Variants in CFAP221 observed in about 807,000 individuals in gnomAD.
CFAP221 encodes cilia- and flagella-associated protein 221.
CFAP221 carries 97 observed loss-of-function variants against 113.1 expected under a neutral mutation model. The ratio of observed to expected loss-of-function variants is 0.86; its 90% CI spans 0.73 to 1.02. CFAP221 has a LOEUF of 1.02. CFAP221 is among the 50% of genes least tolerant of loss of function. The pLI, the probability that CFAP221 is intolerant of heterozygous loss-of-function variation, is 0.00. For synonymous variants in CFAP221, 331 were observed against 354.4 expected (o/e 0.93, Z 0.74); for missense variants, 1,025 against 1,013.4 (o/e 1.01, Z -0.16).
intron 7 of CFAP221, 91 bp from the exon 8 acceptor site, chr2:119,601,127 A>G: frequency 7.9e-7 from 1 of 1,260,398 alleles, no homozygotes; most frequent in Non-Finnish European, 1.0e-6. Context: ...CCACATTGTC[A>G]GAGGGTCAGC....
intron 19 of CFAP221, among the ~76,000 whole-genome samples, chr2:119,631,694 T>C (rs896173234): frequency 9.9e-5 from 15 of 151,704 alleles, no homozygotes; most frequent in African/African-American, 3.4e-4. Flanking sequence ...TCAAATGAAA[T>C]AGAAAGCAGA....
At chr2:119,569,600 C>T (rs1392095862) in intron 6 of CFAP221, among the ~76,000 whole-genome samples, 1 of 151,676 alleles carries the variant, frequency 6.6e-6, no homozygotes, top group African/African-American at 2.4e-5. Context: ...TTTCTTTCTT[C>T]TCCATCTGGC....
intron 11 of CFAP221, among the ~76,000 whole-genome samples, chr2:119,607,539 A>C (rs1684856041): frequency 6.6e-6 from 1 of 152,238 alleles, no homozygotes; most frequent in Non-Finnish European, 1.5e-5. Flanking sequence ...CATTTTAACC[A>C]GTTTAAAGTA....
intron 22 of CFAP221, among the ~76,000 whole-genome samples, chr2:119,648,095 T>C (rs1468881012): frequency 6.6e-6 from 1 of 152,200 alleles, no homozygotes; most frequent in African/African-American, 2.4e-5. Flanking sequence ...AGCAAATGAA[T>C]TACTACATGC....
At chr2:119,575,330 C>T (rs538192874) in intron 6 of CFAP221, among the ~76,000 whole-genome samples, 1 of 152,300 alleles carries the variant, frequency 6.6e-6, no homozygotes, top group South Asian at 2.1e-4. Flanking sequence ...GCCCCAGCCA[C>T]AGGCCCTTGC....
chr2:119,605,005 C>T lies in CFAP221; in HGVS notation c.1024+18C>T. Reference sequence around the variant, plus strand: ...AAGAGAAGGTAACCAGTTGATTGGCCATAAAGCAGCCCCTGAGCAGAATAT... The same window carrying T: ...AAGAGAAGGTAACCAGTTGATTGGCTATAAAGCAGCCCCTGAGCAGAATAT... On this transcript the variant is annotated intron_variant, in intron 10 of 23. Coordinates refer to ENST00000413369, the MANE Select transcript of CFAP221 (RefSeq NM_001271049.2). 6.2e-7 allele frequency: 1 copy of T among 1,604,120 alleles called. No individual in the cohort carries two copies. Among genetic ancestry groups the T allele is most frequent in the Non-Finnish European group, 8.5e-7 (1 of 1,171,338 alleles).
chr2:119,657,906 G>A (rs1402934001), downstream of CFAP221, among the ~76,000 whole-genome samples: 1 of 152,168 alleles, frequency 6.6e-6, no homozygotes, highest in Non-Finnish European at 1.5e-5. Flanking sequence ...TCTTATCAAG[G>A]GGCTTGTGAT....
rs752923328 is a variant in CFAP221 at position 119,605,003 on chromosome 2, G to A, written c.1024+16G>A. ...TTAAGAGAAGGTAACCAGTTGATTGGCCATAAAGCAGCCCCTGAGCAGAAT... is the reference window on the plus strand; with the variant it reads ...TTAAGAGAAGGTAACCAGTTGATTGACCATAAAGCAGCCCCTGAGCAGAAT... On this transcript the variant is annotated intron_variant, in intron 10 of 23. Coordinates refer to ENST00000413369, the MANE Select transcript of CFAP221 (RefSeq NM_001271049.2). 6.2e-6 allele frequency: 10 copies of A among 1,606,828 alleles called. No homozygotes were observed. Among genetic ancestry groups the A allele is most frequent in the Non-Finnish European group, 7.7e-6 (9 of 1,173,702 alleles).
chr2:119,625,729 C>A, intron 15 of CFAP221, 41 bp downstream of exon 15: 2 of 1,509,410 alleles, frequency 1.3e-6, no homozygotes, highest in South Asian at 1.1e-5. Flanking sequence ...CGAGACTGAT[C>A]ATGCCTCTGA....
intron 19 of CFAP221, chr2:119,631,158 C>A (rs143049562): frequency 4.4e-6 from 4 of 916,006 alleles, no homozygotes; most frequent in Non-Finnish European, 5.5e-6. Flanking sequence ...TACATATAGG[C>A]CAAAGAAGAA....
chr2:119,558,190 AAGCTCTTTGTTAAG>A (rs1680960565), intron 3 of CFAP221, among the ~76,000 whole-genome samples: 1 of 152,104 alleles, frequency 6.6e-6, no homozygotes, highest in Non-Finnish European at 1.5e-5. Context: ...CATGGGGACA[AAGCTCTTTGTTAAG>A]ATTCCAGGCC....
At chr2:119,607,704 A>T (rs1169702913) in intron 11 of CFAP221, among the ~76,000 whole-genome samples, 1 of 152,008 alleles carries the variant, frequency 6.6e-6, no homozygotes, top group Non-Finnish European at 1.5e-5. Flanking sequence ...ACCACAATCT[A>T]CTTTCAGTCT....
chr2:119,585,586 A>G (rs1683162632), intron 6 of CFAP221, among the ~76,000 whole-genome samples: 1 of 152,120 alleles, frequency 6.6e-6, no homozygotes, highest in East Asian at 1.9e-4. Flanking sequence ...AGGGGTCGTT[A>G]TTTTATTGTT....
rs149332945 is a variant in CFAP221, at chr2:119,585,370, T to C, written c.528-1749T>C. On this transcript the variant is annotated intron_variant, in intron 6 of 23. Transcript: ENST00000413369. The stretch of plus-strand genomic sequence containing the variant: ...ATTAAACTTGAATAAATTAGAGACA[T>C]GCCATGTTCATAGTTTGGAACAGAT... Among the ~76,000 whole-genome samples, 413 of 152,266 alleles carry C rather than the reference T, an allele frequency of 2.7e-3. 1 individual carries two copies. The highest frequency in any genetic ancestry group is 9.7e-3 in the African/African-American group (402 of 41,544).
At chr2:119,569,483 T>C (rs1681891717) in intron 6 of CFAP221, among the ~76,000 whole-genome samples, 1 of 151,390 alleles carries the variant, frequency 6.6e-6, no homozygotes, top group South Asian at 2.1e-4. Context: ...AAGTGTAGGG[T>C]TTTTTGCCTT....
intron 6 of CFAP221, among the ~76,000 whole-genome samples, chr2:119,585,464 T>C (rs1345453891): frequency 6.6e-6 from 1 of 152,126 alleles, no homozygotes; most frequent in Non-Finnish European, 1.5e-5. Context: ...AGGGAGAGAA[T>C]TGGGGAAGGA....
At chr2:119,608,687 G>A in intron 12 of CFAP221, 98 bp downstream of exon 12, 1 of 1,003,882 alleles carries the variant, frequency 1.0e-6, no homozygotes, top group Middle Eastern at 2.1e-4. Context: ...CCACAGTTAA[G>A]TTGGGAGTGG....
intron 14 of CFAP221, among the ~76,000 whole-genome samples, chr2:119,620,421 A>G (rs147238582): frequency 6.6e-6 from 1 of 152,222 alleles, no homozygotes; most frequent in African/African-American, 2.4e-5. Flanking sequence ...GACCGAAGAG[A>G]GTGGGGGCCA....
At chr2:119,625,503 G>T (rs1686236679) in intron 14 of CFAP221, 80 bp from the exon 15 acceptor site, 14 of 1,220,402 alleles carry the variant, frequency 1.1e-5, no homozygotes, top group Non-Finnish European at 1.5e-5. Context: ...TAGTGTGGTT[G>T]GGGAAAGTGA....
Sources: gnomAD v4.1 joint callset for allele counts (sites outside exome capture counted in the v4.1 genomes callset) on GRCh38, gnomAD v4.1.1 for gene constraint, MANE v1.5 for transcripts, NCBI Gene and HGNC (gene_info 2026-07-23, HGNC 2026-07-21) for gene names.